Variants in ERBB4 observed in about 807,000 individuals in gnomAD.
The protein encoded by ERBB4 is erb-b2 receptor tyrosine kinase 4.
Under a neutral mutation model 158.0 loss-of-function variants are expected in ERBB4, and 42 were observed. The observed-to-expected ratio is 0.27, with a 90% CI of 0.21 to 0.34. The LOEUF (loss-of-function observed/expected upper bound fraction) is 0.34. Ranked by LOEUF, ERBB4 falls within the 10% of genes least tolerant of loss-of-function variation. ERBB4 has a pLI of 1.00. For synonymous variants in ERBB4, 583 were observed against 558.7 expected (o/e 1.04, Z -0.61); for missense variants, 1,333 against 1,624.1 (o/e 0.82, Z 3.08).
chr2:212,311,968 G>A (rs767187047), intron 1 of ERBB4, among the ~76,000 whole-genome samples: 2 of 150,944 alleles, frequency 1.3e-5, no homozygotes, highest in Non-Finnish European at 3.0e-5. Context: ...TGTCAAAATC[G>A]TGATTTAAAG....
At chr2:211,751,635 A>C (rs1374829512) in intron 4 of ERBB4, among the ~76,000 whole-genome samples, 1 of 152,212 alleles carries the variant, frequency 6.6e-6, no homozygotes, top group East Asian at 1.9e-4. Context: ...CTCCCATTTA[A>C]AGTGTTTAAC....
chr2:211,505,035 A>G (rs1443478817), intron 20 of ERBB4, among the ~76,000 whole-genome samples: 1 of 152,180 alleles, frequency 6.6e-6, no homozygotes, highest in East Asian at 1.9e-4. Flanking sequence ...ATTAGAAGGA[A>G]TAATTCAGAA....
chr2:212,503,243 T>G (rs1235719333), intron 1 of ERBB4, among the ~76,000 whole-genome samples: 2 of 152,228 alleles, frequency 1.3e-5, no homozygotes, highest in Non-Finnish European at 2.9e-5. Context: ...GCTAGTATTA[T>G]TCTTAACTAC....
chr2:211,933,722 T>C (rs1421086679), intron 3 of ERBB4, among the ~76,000 whole-genome samples: 1 of 151,998 alleles, frequency 6.6e-6, no homozygotes, highest in Non-Finnish European at 1.5e-5. Context: ...TTAAGTAAAT[T>C]ATTTATTCTC....
intron 1 of ERBB4, among the ~76,000 whole-genome samples, chr2:212,176,777 T>A (rs994767737): frequency 6.6e-6 from 1 of 151,932 alleles, no homozygotes; most frequent in African/African-American, 2.4e-5. Context: ...TATGTCAGTG[T>A]ATTATGTTGA....
chr2:211,793,276 T>C (rs1180441778), intron 3 of ERBB4, among the ~76,000 whole-genome samples: 2 of 151,938 alleles, frequency 1.3e-5, no homozygotes, highest in Non-Finnish European at 2.9e-5. Flanking sequence ...CCATATGATA[T>C]AAGAAGGATC....
rs531167692 is a variant in ERBB4 at position 212,248,634 on chromosome 2, G to A, written c.83-123731C>T. On this transcript the variant is annotated intron_variant, in intron 1 of 27. Coordinates refer to ENST00000342788, the MANE Select transcript of ERBB4 (RefSeq NM_005235.3). ...GGTCACCACAAATTTAATCCGCCAC[G>A]TTAAGAGAAAATTTAAGATGTGAGA... 1.1e-4 allele frequency among the ~76,000 whole-genome samples: 16 copies of A among 152,172 alleles called. No homozygotes were observed. The East Asian group carries it at 1.4e-3, about 13-fold the overall frequency.
At chr2:212,447,166 T>G (rs2106005061) in intron 1 of ERBB4, among the ~76,000 whole-genome samples, 1 of 151,962 alleles carries the variant, frequency 6.6e-6, no homozygotes, top group South Asian at 2.1e-4. Flanking sequence ...CCGGCTAATT[T>G]TTTGTATTTT....
At chr2:211,824,636 T>C (rs1168890607) in intron 3 of ERBB4, among the ~76,000 whole-genome samples, 2 of 151,672 alleles carry the variant, frequency 1.3e-5, no homozygotes, top group African/African-American at 4.8e-5. Context: ...TATTTACATG[T>C]ATTATAATAG....
chr2:211,639,607 T>G (rs1407855308), intron 16 of ERBB4, among the ~76,000 whole-genome samples: 1 of 152,242 alleles, frequency 6.6e-6, no homozygotes, highest in Non-Finnish European at 1.5e-5. Flanking sequence ...GAATATATTC[T>G]ATGTATAAAT....
intron 20 of ERBB4, among the ~76,000 whole-genome samples, chr2:211,490,738 CA>C (rs2065320378): frequency 6.6e-6 from 1 of 151,998 alleles, no homozygotes; most frequent in South Asian, 2.1e-4. Flanking sequence ...AGACAAACTG[CA>C]TTTTCTTTCC....
At chr2:211,706,781 CTA>C (rs1386958334) in intron 9 of ERBB4, among the ~76,000 whole-genome samples, 2 of 152,064 alleles carry the variant, frequency 1.3e-5, no homozygotes, top group Non-Finnish European at 2.9e-5. Flanking sequence ...CACACATAAA[CTA>C]TTGATTAAAA....
At chr2:212,059,121 A>C (rs574664312) in intron 2 of ERBB4, among the ~76,000 whole-genome samples, 11 of 152,300 alleles carry the variant, frequency 7.2e-5, no homozygotes, top group African/African-American at 2.2e-4. Flanking sequence ...ATGGGCAAAA[A>C]TCACAGGCAT....
At chr2:211,980,955 A>G (rs2081775555) in intron 2 of ERBB4, among the ~76,000 whole-genome samples, 1 of 152,090 alleles carries the variant, frequency 6.6e-6, no homozygotes, top group Non-Finnish European at 1.5e-5. Flanking sequence ...AAAGAACAGC[A>G]GGGAGCAGCC....
At chr2:212,386,514 C>T (rs1260724607) in intron 1 of ERBB4, among the ~76,000 whole-genome samples, 1 of 151,532 alleles carries the variant, frequency 6.6e-6, no homozygotes. Flanking sequence ...TATTCATTCT[C>T]CACACTACCA....
intron 1 of ERBB4, among the ~76,000 whole-genome samples, chr2:212,460,736 G>A (rs1471130313): frequency 6.6e-6 from 1 of 152,204 alleles, no homozygotes; most frequent in East Asian, 1.9e-4. Context: ...ACTGGACAAT[G>A]CCATAGAAAA....
chr2:212,116,711 C>T (rs1427073985), intron 2 of ERBB4, among the ~76,000 whole-genome samples: 1 of 152,118 alleles, frequency 6.6e-6, no homozygotes, highest in Admixed American at 6.6e-5. Context: ...GCTGGGATTA[C>T]AGGTGTGAGT....
intron 3 of ERBB4, among the ~76,000 whole-genome samples, chr2:211,843,991 T>C (rs1442468173): frequency 1.3e-5 from 2 of 152,110 alleles, no homozygotes; most frequent in Non-Finnish European, 2.9e-5. Context: ...GAAGTGGATT[T>C]TGAACTAGTT....
chr2:212,241,221 C>T (rs912473060), intron 1 of ERBB4, among the ~76,000 whole-genome samples: 1 of 151,834 alleles, frequency 6.6e-6, no homozygotes, highest in Admixed American at 6.6e-5. Context: ...CATGACACTG[C>T]ACTCCAGATT....
Sources: allele counts gnomAD v4.1 joint callset (sites outside exome capture counted in the v4.1 genomes callset), GRCh38; gene constraint gnomAD v4.1.1; transcripts MANE v1.5; gene names NCBI Gene and HGNC (gene_info 2026-07-23, HGNC 2026-07-21).